Variants in GRIK2 observed in about 807,000 individuals in gnomAD.
The protein encoded by GRIK2 is glutamate receptor ionotropic, kainate 2.
Under a neutral mutation model 100.3 loss-of-function variants are expected in GRIK2, and 32 were observed. The observed-to-expected ratio is 0.32, with a 90% confidence interval of 0.24 to 0.43. The LOEUF (loss-of-function observed/expected upper bound fraction) is 0.43, where lower values mean the gene tolerates loss of function less well. GRIK2 is among the 20% of genes least tolerant of loss of function. GRIK2 has a pLI of 1.00. For synonymous variants in GRIK2, 417 were observed against 389.4 expected (o/e 1.07, Z -0.83); for missense variants, 843 against 1,114.9 (o/e 0.76, Z 3.47).
chr6:101,758,086 G>C (rs1003331246), intron 7 of GRIK2, among the ~76,000 whole-genome samples: 2 of 152,096 alleles, frequency 1.3e-5, no homozygotes, highest in Non-Finnish European at 2.9e-5. Flanking sequence ...AGCCTGGTGT[G>C]ATGGTGAGCA....
chr6:101,797,223 C>T lies in GRIK2; in HGVS notation c.952-2425C>T, dbSNP rs117228692. Among the ~76,000 whole-genome samples, 1,058 of 151,958 alleles carry T rather than the reference C, an allele frequency of 7.0e-3. 11 individuals are homozygous for T. Among genetic ancestry groups the T allele is most frequent in the Non-Finnish European group, 0.012 (834 of 67,968 alleles). ...TTTTTGTAATCTTCCTCATACATTA[C>T]GTGTTAATCTTAAAAACTGTGGAAA... On this transcript the variant is annotated intron_variant, in intron 7 of 16. Coordinates refer to ENST00000369134, the MANE Select transcript of GRIK2 (RefSeq NM_021956.5).
intron 4 of GRIK2, among the ~76,000 whole-genome samples, chr6:101,668,230 T>A (rs1006282940): frequency 6.6e-5 from 10 of 152,154 alleles, no homozygotes; most frequent in African/African-American, 2.4e-4. Flanking sequence ...CTTATTTCTC[T>A]AAGCCCCAAT....
chr6:101,780,069 T>C (rs1258568300), intron 7 of GRIK2, among the ~76,000 whole-genome samples: 4 of 152,170 alleles, frequency 2.6e-5, no homozygotes, highest in South Asian at 2.1e-4. Context: ...TTTAGTTTAC[T>C]TGGTTAAATT....
chr6:102,007,525 A>T (rs192507675), intron 14 of GRIK2, among the ~76,000 whole-genome samples: 4 of 152,188 alleles, frequency 2.6e-5, no homozygotes, highest in African/African-American at 9.6e-5. Context: ...TCCTGTATTT[A>T]TGGAGGTGGC....
intron 7 of GRIK2, among the ~76,000 whole-genome samples, chr6:101,795,744 T>G (rs752781519): frequency 3.3e-5 from 5 of 152,204 alleles, no homozygotes; most frequent in Admixed American, 6.5e-5. Context: ...AGGGCTGTTC[T>G]CAGGTCCCTG....
intron 2 of GRIK2, among the ~76,000 whole-genome samples, chr6:101,485,785 T>C (rs1351841369): frequency 6.6e-6 from 1 of 152,146 alleles, no homozygotes; most frequent in Non-Finnish European, 1.5e-5. Context: ...TTCTGCATAA[T>C]AGGCAAAGAA....
intron 2 of GRIK2, among the ~76,000 whole-genome samples, chr6:101,487,744 A>G (rs1772903022): frequency 1.4e-5 from 2 of 146,748 alleles, no homozygotes; most frequent in South Asian, 4.3e-4. Flanking sequence ...TAGTAATTAT[A>G]GCTTTTTTGT....
chr6:101,560,231 T>A (rs1380331734), intron 2 of GRIK2, among the ~76,000 whole-genome samples: 2 of 152,116 alleles, frequency 1.3e-5, no homozygotes, highest in Non-Finnish European at 2.9e-5. Context: ...TATTCTAAGT[T>A]TATTTTCCTT....
chr6:101,934,025 C>A (rs1217295465), intron 14 of GRIK2, among the ~76,000 whole-genome samples: 3 of 150,758 alleles, frequency 2.0e-5, no homozygotes, highest in African/African-American at 7.3e-5. Flanking sequence ...TTTCCTTTAA[C>A]TTTTACAGCC....
In GRIK2 at chr6:101,671,864, AAAC is replaced by A. The variant is rs756167332; in HGVS notation, c.542-4750_542-4748del. On this transcript the variant is annotated intron_variant, in intron 4 of 16. Coordinates refer to ENST00000369134, the MANE Select transcript of GRIK2 (RefSeq NM_021956.5). ...GGGTGAGAGTCTGAGACTATATCAAAAACAACAACAAAAACTACTTAGTATTAT... is the reference window on the plus strand; with the variant it reads ...GGGTGAGAGTCTGAGACTATATCAAAAACAACAAAAACTACTTAGTATTAT... Among the ~76,000 whole-genome samples the A allele has an allele frequency of 5.3e-5, 8 of 152,154 alleles. No individual in the cohort carries two copies. The East Asian group carries it at 1.2e-3, about 22-fold the overall frequency.
chr6:101,674,491 G>T (rs1770680648), intron 4 of GRIK2, among the ~76,000 whole-genome samples: 2 of 152,154 alleles, frequency 1.3e-5, no homozygotes. Flanking sequence ...TTTTCTGAAT[G>T]TATAGTTTTC....
chr6:101,652,100 C>T (rs371372841), intron 4 of GRIK2, among the ~76,000 whole-genome samples: 10 of 152,010 alleles, frequency 6.6e-5, no homozygotes, highest in African/African-American at 9.7e-5. Context: ...GAAAAGTTTC[C>T]GTGGAGTGAT....
At chr6:101,400,525 T>G (rs1227603890) in intron 2 of GRIK2, among the ~76,000 whole-genome samples, 1 of 152,082 alleles carries the variant, frequency 6.6e-6, no homozygotes, top group African/African-American at 2.4e-5. Context: ...GACCAAAGAG[T>G]GCAGGACACC....
At chr6:101,928,183 A>G in intron 13 of GRIK2, 1 of 533,616 alleles carries the variant, frequency 1.9e-6, no homozygotes. Context: ...TCTCAGGTAG[A>G]ACATGAGTCT....
In GRIK2 at chr6:102,020,790, C is replaced by T. The variant is rs1245167424; in HGVS notation, c.2086-14551C>T. On this transcript the variant is annotated intron_variant, in intron 14 of 16. Coordinates refer to ENST00000369134, the MANE Select transcript of GRIK2 (RefSeq NM_021956.5). Reference sequence around the variant, plus strand: ...CATTATTTTACTTAAAATACCGTGACATTTTTCAAAAAGAAAGACTATCCT... The same window carrying T: ...CATTATTTTACTTAAAATACCGTGATATTTTTCAAAAAGAAAGACTATCCT... Among the ~76,000 whole-genome samples the T allele has an allele frequency of 2.6e-5, 4 of 151,806 alleles. No homozygotes were observed. In the East Asian group the frequency reaches 7.8e-4, roughly 30 times the overall value.
At chr6:101,675,914 C>A (rs1171809531) in intron 4 of GRIK2, among the ~76,000 whole-genome samples, 1 of 151,994 alleles carries the variant, frequency 6.6e-6, no homozygotes, top group Non-Finnish European at 1.5e-5. Flanking sequence ...ACATATACAC[C>A]AACTTGAGTT....
At chr6:101,871,998 A>G (rs756694009) in intron 11 of GRIK2, among the ~76,000 whole-genome samples, 4 of 151,964 alleles carry the variant, frequency 2.6e-5, no homozygotes, top group African/African-American at 4.8e-5. Flanking sequence ...CCAACAGTTT[A>G]TAAGTGTTCC....
chr6:101,547,602 G>A (rs1026849239), intron 2 of GRIK2, among the ~76,000 whole-genome samples: 1 of 152,114 alleles, frequency 6.6e-6, no homozygotes, highest in African/African-American at 2.4e-5. Flanking sequence ...AATTTGCTGA[G>A]AATGATGGTT....
intron 2 of GRIK2, among the ~76,000 whole-genome samples, chr6:101,612,869 C>T (rs1779743203): frequency 6.6e-6 from 1 of 151,172 alleles, no homozygotes; most frequent in South Asian, 2.1e-4. Context: ...TTTAATATGG[C>T]TGTATGACTG....
Sources: allele counts gnomAD v4.1 joint callset (sites outside exome capture counted in the v4.1 genomes callset), GRCh38; gene constraint gnomAD v4.1.1; transcripts MANE v1.5; gene names NCBI Gene and HGNC (gene_info 2026-07-23, HGNC 2026-07-21).